Variants in ABCA13 observed in about 807,000 individuals in gnomAD.
ABCA13 encodes the protein ATP binding cassette subfamily A member 13, also known as ATP-binding cassette sub-family A member 13.
ABCA13 carries 476 observed loss-of-function variants against 478.7 expected under a neutral mutation model. That is an observed-to-expected ratio of 0.99 (90% CI 0.92 to 1.07). The LOEUF (loss-of-function observed/expected upper bound fraction) is 1.07, where lower values mean the gene tolerates loss of function less well. Ranked by LOEUF, ABCA13 falls within the 50% of genes least tolerant of loss-of-function variation. ABCA13 has a pLI of 0.00. For missense variants in ABCA13, 6,060 were observed against 5,910.6 expected, an observed-to-expected ratio of 1.03 and a Z score of -0.83; for synonymous variants, 2,252 against 2,158.9, an observed-to-expected ratio of 1.04 and a Z score of -1.20.
intron 39 of ABCA13, among the ~76,000 whole-genome samples, 194 bp from the exon 40 acceptor site, chr7:48,410,326 A>T (rs1182305988): frequency 6.6e-6 from 1 of 152,192 alleles, no homozygotes; most frequent in African/African-American, 2.4e-5. Context: ...AGATCCGTGG[A>T]AACTACTGTA....
chr7:48,351,782 G>A (rs542454905), intron 30 of ABCA13, among the ~76,000 whole-genome samples: 33 of 152,250 alleles, frequency 2.2e-4, no homozygotes, highest in African/African-American at 7.9e-4. Flanking sequence ...AATCCGTGTG[G>A]CATAAAATAG....
intron 8 of ABCA13, among the ~76,000 whole-genome samples, chr7:48,238,785 G>A (rs1410046444): frequency 6.6e-6 from 1 of 152,228 alleles, no homozygotes; most frequent in African/African-American, 2.4e-5. Context: ...TGAAGTTCAT[G>A]TATAAAATAA....
chr7:48,610,720 C>T (rs934146838), intron 58 of ABCA13, among the ~76,000 whole-genome samples: 2 of 152,236 alleles, frequency 1.3e-5, no homozygotes, highest in South Asian at 2.1e-4. Flanking sequence ...CTCTGTGCAT[C>T]CGCAGGCTTA....
chr7:48,188,085 C>T (rs1796602545), intron 1 of ABCA13, among the ~76,000 whole-genome samples: 1 of 152,006 alleles, frequency 6.6e-6, no homozygotes, highest in South Asian at 2.1e-4. Flanking sequence ...TAAGCATATC[C>T]TGTATGCTCT....
chr7:48,236,945 G>C (rs1415508896), intron 8 of ABCA13, among the ~76,000 whole-genome samples: 1 of 150,938 alleles, frequency 6.6e-6, no homozygotes, highest in Non-Finnish European at 1.5e-5. Flanking sequence ...AATTAATGCA[G>C]AGCTAGCCAA....
chr7:48,581,838 TC>T (rs1788738975), intron 56 of ABCA13, among the ~76,000 whole-genome samples: 1 of 152,252 alleles, frequency 6.6e-6, no homozygotes, highest in Non-Finnish European at 1.5e-5. Flanking sequence ...CACTTTTGCA[TC>T]TGTTTCCAAA....
chr7:48,425,217 ACACT>A (rs1563234735), intron 41 of ABCA13, among the ~76,000 whole-genome samples: 4 of 152,104 alleles, frequency 2.6e-5, no homozygotes. Flanking sequence ...ATGTTCATAC[ACACT>A]CACACACACA....
At chr7:48,293,197 C>CCCCG (rs914313737) in intron 20 of ABCA13, among the ~76,000 whole-genome samples, 16 of 127,092 alleles carry the variant, frequency 1.3e-4, no homozygotes, top group South Asian at 2.9e-4. Flanking sequence ...CTTCAGCCCC[C>CCCCG]CCCCCGCCAC....
At chr7:48,569,266 T>C (rs561955465) in intron 55 of ABCA13, among the ~76,000 whole-genome samples, 1 of 152,300 alleles carries the variant, frequency 6.6e-6, no homozygotes, top group Non-Finnish European at 1.5e-5. Context: ...GTATCTTCTC[T>C]TTATGTACCT....
At position 48,275,352 on chromosome 7, in the gene ABCA13, T is replaced by G. The variant is rs1796159357; in HGVS notation, c.5686T>G (p.Trp1896Gly). 1.2e-6 allele frequency: 2 copies of G among 1,613,994 alleles called. No homozygotes were observed. The highest frequency in any genetic ancestry group is 1.7e-6 in the Non-Finnish European group (2 of 1,179,864). Residue 1896 changes from tryptophan (W) to glycine (G), a missense_variant, in exon 17 of 62, where the codon TGG becomes GGG. By Grantham distance (184) the Trp-to-Gly change is radical (BLOSUM62 -2). This residue lies in a region of ABCA13 where 4,423 missense variants were observed against 4,309.1 expected (regional missense o/e 1.03). Coordinates refer to ENST00000435803, the MANE Select transcript of ABCA13 (RefSeq NM_152701.5). Reference protein sequence around the residue: ...VVCIIHELVDWNSILLELSEV... With the variant: ...VVCIIHELVDGNSILLELSEV... Reference sequence around the variant, plus strand: ...CTGCATAATTCATGAATTAGTGGACTGGAATTCTATTCTTCTGGAGCTCTC... The same window carrying G: ...CTGCATAATTCATGAATTAGTGGACGGGAATTCTATTCTTCTGGAGCTCTC...
chr7:48,312,150 G>A (rs1308430665), intron 24 of ABCA13, among the ~76,000 whole-genome samples: 1 of 152,216 alleles, frequency 6.6e-6, no homozygotes, highest in Non-Finnish European at 1.5e-5. Context: ...AGCCCTGAAA[G>A]TCATCTGCAG....
intron 55 of ABCA13, among the ~76,000 whole-genome samples, chr7:48,559,722 A>G (rs1563437198): frequency 6.6e-6 from 1 of 152,032 alleles, no homozygotes; most frequent in Non-Finnish European, 1.5e-5. Flanking sequence ...GTTATTCAGG[A>G]CTCAAAAGTT....
At chr7:48,498,990 G>A (rs1830506677) in intron 48 of ABCA13, among the ~76,000 whole-genome samples, 1 of 152,150 alleles carries the variant, frequency 6.6e-6, no homozygotes, top group Admixed American at 6.5e-5. Context: ...TACATGTAGA[G>A]AAAATTCTCA....
At chr7:48,294,293 A>G (rs1401077653) in intron 20 of ABCA13, among the ~76,000 whole-genome samples, 1 of 152,042 alleles carries the variant, frequency 6.6e-6, no homozygotes, top group African/African-American at 2.4e-5. Flanking sequence ...GGCAACTATA[A>G]TTCTCATGCT....
At chr7:48,558,866 G>A (rs7783286) in intron 55 of ABCA13, among the ~76,000 whole-genome samples, 8,132 of 152,242 alleles carry the variant, frequency 0.053, 241 homozygotes, top group South Asian at 0.086. Context: ...GTGTCTGGAC[G>A]TTGAAGAGTT....
chr7:48,395,889 A>G (rs556370956), intron 38 of ABCA13, among the ~76,000 whole-genome samples: 115 of 152,310 alleles, frequency 7.6e-4, no homozygotes, highest in Non-Finnish European at 1.5e-3. Context: ...AGTTATACAC[A>G]GATTTTTGAC....
intron 58 of ABCA13, among the ~76,000 whole-genome samples, chr7:48,599,313 T>G (rs1162173373): frequency 6.6e-6 from 1 of 152,086 alleles, no homozygotes; most frequent in Admixed American, 6.6e-5. Context: ...ATAAGTTGTA[T>G]GATTTCCATC....
chr7:48,588,935 ATTTAC>A (rs1789468964), intron 57 of ABCA13, among the ~76,000 whole-genome samples: 1 of 152,154 alleles, frequency 6.6e-6, no homozygotes, highest in African/African-American at 2.4e-5. Flanking sequence ...CACACCTTTT[ATTTAC>A]TTATTTTTAT....
intron 48 of ABCA13, among the ~76,000 whole-genome samples, chr7:48,495,439 G>A (rs1045535887): frequency 9.2e-5 from 14 of 152,048 alleles, no homozygotes; most frequent in Admixed American, 5.2e-4. Flanking sequence ...ATTGGTTGAA[G>A]TTCATTTTAT....
Sources: gnomAD v4.1 joint callset for allele counts (sites outside exome capture counted in the v4.1 genomes callset) on GRCh38, gnomAD v4.1.1 for gene constraint, gnomAD v4.1.1 regional missense constraint, MANE v1.5 for transcripts, NCBI Gene and HGNC (gene_info 2026-07-23, HGNC 2026-07-21) for gene names.